AUTS2: variants seen among roughly 807,000 people sequenced by gnomAD.
AUTS2 encodes the protein autism susceptibility gene 2 protein.
AUTS2 carries 17 observed loss-of-function variants against 112.4 expected under a neutral mutation model. That is an observed-to-expected ratio of 0.15 (90% CI 0.10 to 0.23). AUTS2 has a LOEUF of 0.23. Among genes scored for constraint, AUTS2 ranks in the 10% least tolerant of loss-of-function variants. The pLI, the probability that AUTS2 is intolerant of heterozygous loss-of-function variation, is 1.00. For missense variants in AUTS2, 1,510 were observed against 1,701.6 expected, an observed-to-expected ratio of 0.89 and a Z score of 1.98; for synonymous variants, 751 against 702.7, an observed-to-expected ratio of 1.07 and a Z score of -1.09.
chr7:70,096,531 G>A (rs1804209317), intron 2 of AUTS2, among the ~76,000 whole-genome samples: 2 of 150,680 alleles, frequency 1.3e-5, no homozygotes, highest in Non-Finnish European at 1.5e-5. Flanking sequence ...CCTGGGAAGT[G>A]GAGTTTGTGG....
intron 4 of AUTS2, among the ~76,000 whole-genome samples, chr7:70,331,768 A>G (rs1195380791): frequency 6.6e-6 from 1 of 152,084 alleles, no homozygotes; most frequent in South Asian, 2.1e-4. Flanking sequence ...AAAATTCGAC[A>G]CCCCTTCATG....
At chr7:70,677,810 G>C (rs184419843) in intron 5 of AUTS2, among the ~76,000 whole-genome samples, 4 of 152,154 alleles carry the variant, frequency 2.6e-5, no homozygotes, top group Admixed American at 2.0e-4. Flanking sequence ...CTGGCCAGGC[G>C]CGGTGGCTGA....
intron 4 of AUTS2, among the ~76,000 whole-genome samples, chr7:70,146,045 A>G (rs1306831529): frequency 6.6e-6 from 1 of 152,154 alleles, no homozygotes; most frequent in African/African-American, 2.4e-5. Flanking sequence ...GATAAAATCA[A>G]TGCAAAGCCA....
chr7:70,458,899 G>T (rs1051328115), intron 5 of AUTS2, among the ~76,000 whole-genome samples: 1 of 152,162 alleles, frequency 6.6e-6, no homozygotes. Flanking sequence ...CCATCCACAC[G>T]GGAGACACTT....
At chr7:70,058,599 G>C (rs865777901) in intron 2 of AUTS2, among the ~76,000 whole-genome samples, 7 of 150,418 alleles carry the variant, frequency 4.7e-5, no homozygotes, top group Admixed American at 6.6e-5. Flanking sequence ...AACATACCTG[G>C]ATTTATCTAT....
Position 70,224,331 on chromosome 7 carries a change from G to GTACAATACAA in AUTS2, c.660+89823_660+89832dup, listed in dbSNP as rs61077173. ...GTATAATACAATACAATACAGTACA[G>GTACAATACAA]TACAATACAATACAATACAATACAA... On this transcript the variant is annotated intron_variant, in intron 4 of 18. Coordinates refer to ENST00000342771, the MANE Select transcript of AUTS2 (RefSeq NM_015570.4). 5.4e-3 allele frequency among the ~76,000 whole-genome samples: 742 copies of GTACAATACAA among 138,680 alleles called. 25 individuals carry two copies. The highest frequency in any genetic ancestry group is 0.012 in the East Asian group (56 of 4,546). 91.0% of individuals were successfully genotyped at this position (138,680 alleles called of 152,430 possible). A position where few individuals can be genotyped will look rare whatever the true frequency, so the allele number is the denominator to read the frequency against.
chr7:69,754,018 G>C (rs4718906), intron 1 of AUTS2, among the ~76,000 whole-genome samples: 1 of 151,990 alleles, frequency 6.6e-6, no homozygotes, highest in African/African-American at 2.4e-5. Flanking sequence ...ACATCCCCTC[G>C]AAGTGACCTT....
intron 4 of AUTS2, among the ~76,000 whole-genome samples, chr7:70,333,105 A>C (rs1562887146): frequency 6.6e-6 from 1 of 152,230 alleles, no homozygotes; most frequent in Non-Finnish European, 1.5e-5. Flanking sequence ...AAGAACTTAA[A>C]CAAATTTACA....
intron 2 of AUTS2, among the ~76,000 whole-genome samples, chr7:69,990,290 T>C (rs1040178110): frequency 6.6e-6 from 1 of 152,152 alleles, no homozygotes; most frequent in Non-Finnish European, 1.5e-5. Context: ...TTGCGGTCAA[T>C]TTGTTTTGTA....
chr7:70,070,877 GAA>G (rs549466401), intron 2 of AUTS2, among the ~76,000 whole-genome samples: 5 of 100,900 alleles, frequency 5.0e-5, no homozygotes, highest in Admixed American at 1.2e-4. Flanking sequence ...GACTCCATCT[GAA>G]AAAAAAAAAA....
At chr7:70,493,680 G>A (rs971182186) in intron 5 of AUTS2, among the ~76,000 whole-genome samples, 6 of 152,076 alleles carry the variant, frequency 3.9e-5, no homozygotes, top group African/African-American at 1.4e-4. Flanking sequence ...CAGCCTGGAT[G>A]TGAATTCTAA....
intron 4 of AUTS2, among the ~76,000 whole-genome samples, chr7:70,205,622 A>G (rs1276574416): frequency 1.3e-5 from 2 of 152,222 alleles, no homozygotes; most frequent in Non-Finnish European, 2.9e-5. Flanking sequence ...GCTATACCAT[A>G]GAGCCTAGGT....
At chr7:70,119,925 ATACT>A (rs1805596473) in intron 3 of AUTS2, 2 of 152,210 alleles carry the variant, frequency 1.3e-5, no homozygotes, top group Non-Finnish European at 2.9e-5. Context: ...CAGAAAGAAA[ATACT>A]AGTACTTTTT....
chr7:69,643,783 C>G (rs1711748421), intron 1 of AUTS2, among the ~76,000 whole-genome samples: 2 of 152,136 alleles, frequency 1.3e-5, no homozygotes, highest in South Asian at 4.1e-4. Flanking sequence ...CTCCACCCCC[C>G]AAATTCGTAT....
intron 4 of AUTS2, among the ~76,000 whole-genome samples, chr7:70,195,123 C>T (rs1430783014): frequency 6.6e-6 from 1 of 152,132 alleles, no homozygotes; most frequent in Non-Finnish European, 1.5e-5. Context: ...AACAAGAAGT[C>T]TCTTTTCCTG....
chr7:70,103,704 A>T (rs909189699), intron 2 of AUTS2, among the ~76,000 whole-genome samples: 4 of 152,076 alleles, frequency 2.6e-5, no homozygotes, highest in Non-Finnish European at 2.9e-5. Flanking sequence ...CAGGAGTTCT[A>T]GACCAGCCTG....
chr7:69,727,840 A>G (rs1786591891), intron 1 of AUTS2, among the ~76,000 whole-genome samples: 1 of 152,148 alleles, frequency 6.6e-6, no homozygotes, highest in African/African-American at 2.4e-5. Context: ...TTTAGAATCA[A>G]ATTGTCCAGT....
At chr7:70,408,135 C>T (rs1316392577) in intron 4 of AUTS2, among the ~76,000 whole-genome samples, 1 of 149,614 alleles carries the variant, frequency 6.7e-6, no homozygotes, top group Non-Finnish European at 1.5e-5. Flanking sequence ...GAATTGTAAT[C>T]GCACCACTGC....
chr7:70,566,268 A>G (rs1400199570), intron 5 of AUTS2, among the ~76,000 whole-genome samples: 2 of 152,186 alleles, frequency 1.3e-5, no homozygotes, highest in African/African-American at 4.8e-5. Context: ...TCTCCTAGTC[A>G]AGCAGAATTT....
Sources: gnomAD v4.1 joint callset for allele counts (sites outside exome capture counted in the v4.1 genomes callset) on GRCh38, gnomAD v4.1.1 for gene constraint, MANE v1.5 for transcripts, NCBI Gene and HGNC (gene_info 2026-07-23, HGNC 2026-07-21) for gene names.